The following PRKACB variants were observed in gnomAD, a reference collection of about 807,000 sequenced individuals.
The protein encoded by PRKACB is protein kinase cAMP-activated catalytic subunit beta, also known as cAMP-dependent protein kinase catalytic subunit beta.
Under a neutral mutation model 51.4 loss-of-function variants are expected in PRKACB, and 16 were observed. That is an observed-to-expected ratio of 0.31 (90% CI 0.21 to 0.47). The LOEUF (loss-of-function observed/expected upper bound fraction) is 0.47, where lower values mean the gene tolerates loss of function less well. Among genes scored for constraint, PRKACB ranks in the 20% least tolerant of loss-of-function variants. PRKACB has a pLI of 1.00. For synonymous variants in PRKACB, 147 were observed against 154.4 expected (o/e 0.95, Z 0.35); for missense variants, 309 against 464.5 (o/e 0.67, Z 3.08).
At chr1:84,223,757 T>C (rs1674127744) in intron 9 of PRKACB, among the ~76,000 whole-genome samples, 1 of 152,202 alleles carries the variant, frequency 6.6e-6, no homozygotes, top group Non-Finnish European at 1.5e-5. Flanking sequence ...TGTTTGTCTG[T>C]GTTCTCTTAT....
At chr1:84,112,907 A>G (rs1284711268) in intron 1 of PRKACB, among the ~76,000 whole-genome samples, 1 of 152,216 alleles carries the variant, frequency 6.6e-6, no homozygotes, top group African/African-American at 2.4e-5. Context: ...TCTGAGATAC[A>G]GTGTTAGAAA....
intron 2 of PRKACB, 133 bp downstream of exon 2, chr1:84,179,371 A>G (rs1166630580): frequency 1.9e-5 from 21 of 1,098,132 alleles, no homozygotes; most frequent in South Asian, 2.3e-5. Context: ...TAAAATGGGA[A>G]TTTTGCCATA....
chr1:84,154,277 A>C (rs1448925057), intron 1 of PRKACB, among the ~76,000 whole-genome samples: 1 of 152,064 alleles, frequency 6.6e-6, no homozygotes, highest in East Asian at 1.9e-4. Flanking sequence ...TGAACTCCTT[A>C]TTAGATATGT....
chr1:84,188,241 T>C (rs1314972335), intron 5 of PRKACB, among the ~76,000 whole-genome samples: 1 of 152,054 alleles, frequency 6.6e-6, no homozygotes, highest in Non-Finnish European at 1.5e-5. Flanking sequence ...ATGAAAGTTA[T>C]GAAAACATTA....
At chr1:84,082,022 G>A (rs1353543422) in intron 1 of PRKACB, among the ~76,000 whole-genome samples, 1 of 152,190 alleles carries the variant, frequency 6.6e-6, no homozygotes, top group Non-Finnish European at 1.5e-5. Context: ...CATTTTTTGA[G>A]GACTAATACG....
intron 1 of PRKACB, among the ~76,000 whole-genome samples, chr1:84,099,127 T>C (rs1309327926): frequency 6.6e-6 from 1 of 152,102 alleles, no homozygotes; most frequent in Non-Finnish European, 1.5e-5. Context: ...GATATACATA[T>C]TCGATGAATG....
chr1:84,182,365 CTT>C (rs1663787396), intron 3 of PRKACB, 37 bp downstream of exon 3: 3 of 1,471,110 alleles, frequency 2.0e-6, no homozygotes, highest in Admixed American at 2.1e-5. Flanking sequence ...TCAGGGTAAA[CTT>C]TAGTTTTATC....
At chr1:84,192,227 A>T (rs1323981338) in intron 5 of PRKACB, among the ~76,000 whole-genome samples, 1 of 152,116 alleles carries the variant, frequency 6.6e-6, no homozygotes, top group African/African-American at 2.4e-5. Context: ...TTATAGGTAG[A>T]GTAGTTTGAG....
chr1:84,078,282 GC>G, exon 1 of PRKACB: 1 of 1,565,290 alleles, frequency 6.4e-7, no homozygotes, highest in Non-Finnish European at 8.7e-7. Context: ...CACGGCCCCA[GC>G]CCCCCTTCCC....
intron 7 of PRKACB, among the ~76,000 whole-genome samples, chr1:84,199,958 G>C (rs1669596878): frequency 6.6e-6 from 1 of 152,034 alleles, no homozygotes; most frequent in South Asian, 2.1e-4. Context: ...CGATTCTCGT[G>C]CTTCAGGCTC....
intron 9 of PRKACB, among the ~76,000 whole-genome samples, chr1:84,216,517 G>A (rs759632701): frequency 2.6e-5 from 4 of 152,042 alleles, no homozygotes; most frequent in African/African-American, 7.2e-5. Flanking sequence ...CATTATTATC[G>A]CAAATAGATA....
chr1:84,143,245 A>C (rs965744331), upstream of PRKACB, among the ~76,000 whole-genome samples: 15 of 152,084 alleles, frequency 9.9e-5, no homozygotes, highest in African/African-American at 3.6e-4. Flanking sequence ...CAGGAGTTTG[A>C]GACAACTCCT....
chr1:84,213,482 G>C (rs1297282573), intron 8 of PRKACB, among the ~76,000 whole-genome samples: 3 of 152,040 alleles, frequency 2.0e-5, no homozygotes, highest in Admixed American at 6.6e-5. Context: ...ACTTATTTGG[G>C]GGTTTTCCAT....
At chr1:84,081,237 A>G (rs1647506413) in intron 1 of PRKACB, among the ~76,000 whole-genome samples, 1 of 152,168 alleles carries the variant, frequency 6.6e-6, no homozygotes, top group Admixed American at 6.5e-5. Context: ...GTCTTGGTTA[A>G]CTTTAACTAT....
intron 9 of PRKACB, among the ~76,000 whole-genome samples, chr1:84,219,181 T>C (rs796185260): frequency 1.4e-4 from 21 of 152,208 alleles, no homozygotes; most frequent in African/African-American, 4.1e-4. Context: ...TTGTTGCTTG[T>C]ACTTTTCAGG....
At chr1:84,200,062 G>A (rs1669634990) in intron 7 of PRKACB, among the ~76,000 whole-genome samples, 1 of 152,000 alleles carries the variant, frequency 6.6e-6, no homozygotes, top group East Asian at 1.9e-4. Flanking sequence ...GGTCAGGCTG[G>A]TCTTGAACTC....
chr1:84,158,460 G>T (rs1571886542), intron 1 of PRKACB, among the ~76,000 whole-genome samples: 1 of 152,046 alleles, frequency 6.6e-6, no homozygotes, highest in Non-Finnish European at 1.5e-5. Flanking sequence ...TAACCCATTT[G>T]TGTATGTACT....
intron 1 of PRKACB, among the ~76,000 whole-genome samples, chr1:84,111,986 CT>C (rs1650268535): frequency 6.6e-6 from 1 of 152,024 alleles, no homozygotes; most frequent in Admixed American, 6.6e-5. Context: ...AATTATGTCC[CT>C]GGAAATAATT....
At chr1:84,161,930 G>C (rs137983923) in intron 1 of PRKACB, among the ~76,000 whole-genome samples, 351 of 151,890 alleles carry the variant, frequency 2.3e-3, no homozygotes, top group African/African-American at 8.0e-3. Flanking sequence ...ATTTCTTTCT[G>C]TCAATTTGAG....
Sources: allele counts gnomAD v4.1 joint callset (sites outside exome capture counted in the v4.1 genomes callset), GRCh38; gene constraint gnomAD v4.1.1; transcripts MANE v1.5; gene names NCBI Gene and HGNC (gene_info 2026-07-23, HGNC 2026-07-21).